Variants in FBLN1 observed in about 807,000 individuals in gnomAD.
FBLN1 encodes the protein fibulin-1.
A neutral mutation model predicts 89.7 loss-of-function variants in FBLN1; 34 were observed. The observed-to-expected ratio is 0.38, with a 90% CI of 0.29 to 0.50. The LOEUF is 0.50. Among genes scored for constraint, FBLN1 ranks in the 20% least tolerant of loss-of-function variants. The pLI, the probability that FBLN1 is intolerant of heterozygous loss-of-function variation, is 0.92. For synonymous variants in FBLN1, 393 were observed against 391.3 expected, an observed-to-expected ratio of 1.00 and a Z score of -0.05; for missense variants, 777 against 988.1, an observed-to-expected ratio of 0.79 and a Z score of 2.86.
At position 45,535,322 on chromosome 22, in the gene FBLN1, C is replaced by T; in HGVS notation, c.907C>T (p.Leu303=). Residue 303 remains leucine (L), a synonymous_variant, in exon 8 of 17, where the codon CTA becomes TTA. Coordinates refer to ENST00000327858, the MANE Select transcript of FBLN1 (RefSeq NM_006486.3). ...CAAGAGTGGCTTTATACAAGATGCT[C>T]TAGGCAACTGTATTGGTAAGAGGTG... ...QCKSGFIQDA[L]GNCIDINECL... The T allele has an allele frequency of 6.2e-7, 1 of 1,614,212 alleles. No homozygotes were observed. Among genetic ancestry groups the T allele is most frequent in the South Asian group, 1.1e-5 (1 of 91,084 alleles).
In FBLN1 at chr22:45,562,830, C is replaced by G. The variant is rs760351826; in HGVS notation, c.1698-11681C>G. On this transcript the variant is annotated intron_variant, in intron 14 of 16. Transcript: ENST00000327858. This position sits in a 1 kb window ranked among gnomAD's most constrained non-coding sequence, Gnocchi z 7.8. ...GGCGGGAGGCCCCGCCTGCCAGCCCCGCATCCCCGCGCTCTGCCGTTTCTC... is the reference window on the plus strand; with the variant it reads ...GGCGGGAGGCCCCGCCTGCCAGCCCGGCATCCCCGCGCTCTGCCGTTTCTC... 2.9e-6 allele frequency: 4 copies of G among 1,389,236 alleles called. No homozygotes were observed. The highest frequency in any genetic ancestry group is 4.1e-6 in the Non-Finnish European group (4 of 987,248). The allele number at this position is 1,389,236 out of a possible 1,614,324, so 86.1% of individuals were successfully genotyped here.
rs1454720060 is a variant in FBLN1, at chr22:45,597,028, A to C, written c.1973-3279A>C. 6.6e-6 allele frequency among the ~76,000 whole-genome samples: 1 copy of C among 151,396 alleles called. No individual in the cohort carries two copies. The highest frequency in any genetic ancestry group is 1.5e-5 in the Non-Finnish European group (1 of 67,874). On this transcript the variant is annotated intron_variant, in intron 16 of 16. Coordinates refer to ENST00000327858, the MANE Select transcript of FBLN1 (RefSeq NM_006486.3). The surrounding 1 kb of genome is among the most constrained non-coding windows in gnomAD (Gnocchi z 4.2). The stretch of plus-strand genomic sequence containing the variant: ...TAGATCTCTTTTTTTTTGGGACAGG[A>C]TCTTGCTCTGTCACCCAGGCTAGAA...
In FBLN1 at chr22:45,563,504, G is replaced by T. The variant is rs2088874829; in HGVS notation, c.1698-11007G>T. ...CCCCACTAGAGGGTGTGTGCTCGGGGGTCCCTGTTCACAGAGCCCACTGTC... is the reference window on the plus strand; with the variant it reads ...CCCCACTAGAGGGTGTGTGCTCGGGTGTCCCTGTTCACAGAGCCCACTGTC... On this transcript the variant is annotated intron_variant, in intron 14 of 16. Transcript: ENST00000327858. This position sits in a 1 kb window ranked among gnomAD's most constrained non-coding sequence, Gnocchi z 5.7. The T allele has an allele frequency of 7.4e-6, 6 of 813,436 alleles. No individual in the cohort carries two copies. Among genetic ancestry groups the T allele is most frequent in the Non-Finnish European group, 1.1e-5 (6 of 536,196 alleles). The allele number at this position is 813,436 out of a possible 1,614,324, so 50.4% of individuals were successfully genotyped here. A position where few individuals can be genotyped will look rare whatever the true frequency, so the allele number is the denominator to read the frequency against.
intron 1 of FBLN1, among the ~76,000 whole-genome samples, chr22:45,507,622 T>A (rs1465913411): frequency 6.6e-6 from 1 of 152,056 alleles, no homozygotes; most frequent in Non-Finnish European, 1.5e-5. Context: ...CCACCTCCTG[T>A]ATTCAAACCA....
intron 14 of FBLN1, among the ~76,000 whole-genome samples, chr22:45,559,992 C>T (rs1364116679): frequency 6.6e-6 from 1 of 152,166 alleles, no homozygotes; most frequent in South Asian, 2.1e-4. Flanking sequence ...TCAAATTAGT[C>T]TTTTGTCCAC....
In FBLN1 at chr22:45,576,679, A is replaced by G. The variant is rs1046762259; in HGVS notation, c.1841-298A>G. Reference sequence around the variant, plus strand: ...GGTCCCCACCTTCATGAATATGCACAGTGACTGATGACTTCTCACCAGCCC... The same window carrying G: ...GGTCCCCACCTTCATGAATATGCACGGTGACTGATGACTTCTCACCAGCCC... On this transcript the variant is annotated intron_variant, in intron 15 of 16. Coordinates refer to ENST00000327858, the MANE Select transcript of FBLN1 (RefSeq NM_006486.3). The surrounding 1 kb of genome is among the most constrained non-coding windows in gnomAD (Gnocchi z 5.2). Among the ~76,000 whole-genome samples, 5 of 152,108 alleles carry G rather than the reference A, an allele frequency of 3.3e-5. No homozygotes were observed. The highest frequency in any genetic ancestry group is 7.4e-5 in the Non-Finnish European group (5 of 68,012).
chr22:45,582,462 C>T (rs772763700), intron 16 of FBLN1, among the ~76,000 whole-genome samples: 4 of 152,148 alleles, frequency 2.6e-5, no homozygotes, highest in Non-Finnish European at 1.5e-5. Context: ...GGTCTCTCTC[C>T]GGCTCTTTAC....
intron 4 of FBLN1, among the ~76,000 whole-genome samples, chr22:45,529,863 T>A (rs1296521179): frequency 6.6e-6 from 1 of 151,866 alleles, no homozygotes; most frequent in African/African-American, 2.4e-5. Context: ...CGAGACTCAG[T>A]CTCAAAAAAA....
chr22:45,532,322 A>G lies in FBLN1; in HGVS notation c.545-741A>G, dbSNP rs1269572194. 1.3e-5 allele frequency among the ~76,000 whole-genome samples: 2 copies of G among 152,106 alleles called. No individual in the cohort carries two copies. The highest frequency in any genetic ancestry group is 1.3e-4 in the Admixed American group (2 of 15,274). ...GGGATTAGCTGGGAAAATAACCCTG[A>G]AACGGTCCTCAGGGAGACCTGAAGC... On this transcript the variant is annotated intron_variant, in intron 5 of 16. Transcript: ENST00000327858. This position sits in a 1 kb window ranked among gnomAD's most constrained non-coding sequence, Gnocchi z 4.2.
At position 45,536,968 on chromosome 22, in the gene FBLN1, C is replaced by G. The variant is rs931735306; in HGVS notation, c.922+1631C>G. ...GGAGGTGAGTCCTGCTTTCCCCAGCCGTTGTCAGGTTAACTGCCTGGCTAG... is the reference window on the plus strand; with the variant it reads ...GGAGGTGAGTCCTGCTTTCCCCAGCGGTTGTCAGGTTAACTGCCTGGCTAG... On this transcript the variant is annotated intron_variant, in intron 8 of 16. Coordinates refer to ENST00000327858, the MANE Select transcript of FBLN1 (RefSeq NM_006486.3). The surrounding 1 kb of genome is among the most constrained non-coding windows in gnomAD (Gnocchi z 5.1). 6.6e-6 allele frequency among the ~76,000 whole-genome samples: 1 copy of G among 152,176 alleles called. No homozygotes were observed.
Position 45,578,663 on chromosome 22 carries a change from G to C in FBLN1, c.1972+1555G>C, listed in dbSNP as rs1459106404. ...CTGTCCCACTGGGTGGGTGGGGTAT[G>C]CACCCTGACACTGGCCCACAGCCGC... On this transcript the variant is annotated intron_variant, in intron 16 of 16. Transcript: ENST00000327858. This position sits in a 1 kb window ranked among gnomAD's most constrained non-coding sequence, Gnocchi z 4.6. Among the ~76,000 whole-genome samples, 1 of 152,212 alleles carries C rather than the reference G, an allele frequency of 6.6e-6. No individual in the cohort carries two copies. Among genetic ancestry groups the C allele is most frequent in the East Asian group, 1.9e-4 (1 of 5,188 alleles).
At chr22:45,553,679 C>G (rs2088735764) in intron 14 of FBLN1, among the ~76,000 whole-genome samples, 1 of 152,194 alleles carries the variant, frequency 6.6e-6, no homozygotes, top group African/African-American at 2.4e-5. Context: ...CCAGAAGGAG[C>G]CAGCCCAGAA....
chr22:45,567,934 T>G (rs372910575), intron 14 of FBLN1, among the ~76,000 whole-genome samples: 146 of 151,886 alleles, frequency 9.6e-4, no homozygotes, highest in African/African-American at 3.3e-3. Flanking sequence ...GGGGCCAGAG[T>G]GTGCACAGAG....
At position 45,563,479 on chromosome 22, in the gene FBLN1, C is replaced by T. The variant is rs865826109; in HGVS notation, c.1698-11032C>T. The T allele has an allele frequency of 2.9e-6, 3 of 1,024,542 alleles. No individual in the cohort carries two copies. The highest frequency in any genetic ancestry group is 2.6e-5 in the Admixed American group (1 of 38,316). The allele number at this position is 1,024,542 out of a possible 1,614,324, so 63.5% of individuals were successfully genotyped here. On this transcript the variant is annotated intron_variant, in intron 14 of 16. Coordinates refer to ENST00000327858, the MANE Select transcript of FBLN1 (RefSeq NM_006486.3). The surrounding 1 kb of genome is among the most constrained non-coding windows in gnomAD (Gnocchi z 5.7). ...CCCCGAGGGCTGACTGAGGAGCGCTCCCCACTAGAGGGTGTGTGCTCGGGG... is the reference window on the plus strand; with the variant it reads ...CCCCGAGGGCTGACTGAGGAGCGCTTCCCACTAGAGGGTGTGTGCTCGGGG...
At chr22:45,564,669 C>T (rs988031117) in intron 14 of FBLN1, among the ~76,000 whole-genome samples, 7 of 152,224 alleles carry the variant, frequency 4.6e-5, no homozygotes, top group South Asian at 2.1e-4. Flanking sequence ...TGTTGACTCG[C>T]GTTTCACATT....
chr22:45,525,526 C>T lies in FBLN1; in HGVS notation c.186-17C>T, dbSNP rs1602175471. 6.5e-7 allele frequency: 1 copy of T among 1,548,818 alleles called. No homozygotes were observed. ...CCTGCGCACAGAGCCTTGGCCCAGC[C>T]CACCCCTCACCCACAGGATGGTGCA... is the stretch of plus-strand genomic sequence containing the variant. On this transcript the variant is annotated splice_polypyrimidine_tract_variant and intron_variant, in intron 2 of 16. Coordinates refer to ENST00000327858, the MANE Select transcript of FBLN1 (RefSeq NM_006486.3).
intron 1 of FBLN1, among the ~76,000 whole-genome samples, chr22:45,515,062 C>T (rs749789134): frequency 2.3e-4 from 35 of 152,188 alleles, no homozygotes; most frequent in Non-Finnish European, 4.6e-4. Context: ...ATTTGGAGCC[C>T]AGGCAGGATG....
At chr22:45,529,552 C>T (rs2010876) in intron 4 of FBLN1, among the ~76,000 whole-genome samples, 23,544 of 152,162 alleles carry the variant, frequency 0.15, 2,395 homozygotes, top group African/African-American at 0.29. Context: ...CTGAGCTTTG[C>T]CCCCACTCTC....
chr22:45,546,539 T>C (rs753666475), intron 11 of FBLN1, among the ~76,000 whole-genome samples: 1 of 152,218 alleles, frequency 6.6e-6, no homozygotes, highest in Non-Finnish European at 1.5e-5. Context: ...AAAACTTTAT[T>C]TATAAAAACA....
Sources: allele counts gnomAD v4.1 joint callset (sites outside exome capture counted in the v4.1 genomes callset), GRCh38; gene constraint gnomAD v4.1.1; non-coding constraint Gnocchi (gnomAD v3.1); transcripts MANE v1.5; gene names NCBI Gene and HGNC (gene_info 2026-07-23, HGNC 2026-07-21).